TNKS1BP1: variants seen among roughly 807,000 people sequenced by gnomAD.
TNKS1BP1 encodes the protein CCR4-NOT transcription complex subunit 12.
Under a neutral mutation model 141.1 loss-of-function variants are expected in TNKS1BP1, and 48 were observed. The ratio of observed to expected loss-of-function variants is 0.34; its 90% CI spans 0.27 to 0.43. TNKS1BP1 has a LOEUF of 0.43. TNKS1BP1 is among the 20% of genes least tolerant of loss of function. TNKS1BP1 has a pLI of 1.00. For missense variants in TNKS1BP1, 2,149 were observed against 2,226.0 expected (o/e 0.97, Z 0.70); for synonymous variants, 875 against 898.2 (o/e 0.97, Z 0.46).
rs760785776 is a variant in TNKS1BP1 at position 57,308,595 on chromosome 11, C to T, written c.4116G>A (p.Gln1372=). ...TGTGCCTCAGGCCGGGCTCTGGGCA[C>T]TGGCTCACCCCGCCCACCCCATGCT... ...AREHGVGGVS[Q]CPEPGLRHNG... The change falls in exon 6 of 12, where the codon CAG becomes CAA. Residue 1372 remains glutamine (Q), a synonymous_variant. Coordinates refer to ENST00000358252, the MANE Select transcript of TNKS1BP1 (RefSeq NM_033396.3). The T allele has an allele frequency of 6.2e-7, 1 of 1,614,056 alleles. No individual in the cohort carries two copies. The highest frequency in any genetic ancestry group is 2.2e-5 in the East Asian group (1 of 44,870).
At chr11:57,301,241 C>T (rs1219766439) in intron 9 of TNKS1BP1, among the ~76,000 whole-genome samples, 200 bp from the exon 10 acceptor site, 1 of 152,098 alleles carries the variant, frequency 6.6e-6, no homozygotes, top group African/African-American at 2.4e-5. Context: ...ACCTTTCTGT[C>T]CTCAAAAACA....
chr11:57,322,155 C>T (rs1855898814), intron 1 of TNKS1BP1: 2 of 1,089,614 alleles, frequency 1.8e-6, no homozygotes, highest in Non-Finnish European at 1.2e-6. Flanking sequence ...CAACTCTTAT[C>T]TCCTAACCCC....
At chr11:57,322,147 ACT>A (rs1485449332) in intron 1 of TNKS1BP1, 197 bp from the exon 2 acceptor site, 1 of 1,065,220 alleles carries the variant, frequency 9.4e-7, no homozygotes, top group African/African-American at 1.6e-5. Flanking sequence ...ATCCTCCCCA[ACT>A]CTTATCTCCT....
chr11:57,320,020 C>T, intron 3 of TNKS1BP1, 59 bp downstream of exon 3: 1 of 1,213,898 alleles, frequency 8.2e-7, no homozygotes, highest in Non-Finnish European at 1.2e-6. Context: ...AGCCCCCACC[C>T]AATCCCACCC....
At chr11:57,301,778 G>C (rs1855527848) in intron 9 of TNKS1BP1, 29 bp downstream of exon 9, 1 of 1,596,348 alleles carries the variant, frequency 6.3e-7, no homozygotes, top group Non-Finnish European at 8.6e-7. Flanking sequence ...CAGATGGCTG[G>C]ACATGTTTGC....
chr11:57,303,647 C>T (rs977082007), intron 6 of TNKS1BP1, among the ~76,000 whole-genome samples: 5 of 152,216 alleles, frequency 3.3e-5, no homozygotes, highest in African/African-American at 1.2e-4. Context: ...TGACCCAGAG[C>T]CTGGCTACGC....
chr11:57,321,328 A>G (rs1173744885), intron 2 of TNKS1BP1, among the ~76,000 whole-genome samples: 2 of 152,176 alleles, frequency 1.3e-5, no homozygotes, highest in African/African-American at 4.8e-5. Context: ...GAAAAAAAAA[A>G]ACAGGACCAG....
chr11:57,311,328 A>C, intron 5 of TNKS1BP1: 5 of 985,706 alleles, frequency 5.1e-6, no homozygotes, highest in Non-Finnish European at 6.0e-6. Context: ...GCTCCAGGAT[A>C]GACATGCTGG....
Position 57,309,266 on chromosome 11 carries a change from C to T in TNKS1BP1, c.3445G>A (p.Val1149Met). Reference sequence around the variant, plus strand: ...CCAGCTGTGGTCTTCCCAGGAGGCACAAAGTGACCACCTTCCATCTTGCTA... The same window carrying T: ...CCAGCTGTGGTCTTCCCAGGAGGCATAAAGTGACCACCTTCCATCTTGCTA... ...PSSKMEGGHFVPPGKTTAGSV... is the reference protein window; with the variant it reads ...PSSKMEGGHFMPPGKTTAGSV... Residue 1149 changes from valine to methionine, a missense_variant, in exon 6 of 12, where the codon GTG (valine) becomes ATG (methionine). Coordinates refer to ENST00000358252, the MANE Select transcript of TNKS1BP1 (RefSeq NM_033396.3). The surrounding 1 kb of genome is among the most constrained non-coding windows in gnomAD (Gnocchi z 4.3). 6.2e-7 allele frequency: 1 copy of T among 1,614,198 alleles called. No individual in the cohort carries two copies. The highest frequency in any genetic ancestry group is 8.5e-7 in the Non-Finnish European group (1 of 1,180,034).
At chr11:57,323,130 G>C (rs868441209) in intron 1 of TNKS1BP1, among the ~76,000 whole-genome samples, 4 of 152,156 alleles carry the variant, frequency 2.6e-5, no homozygotes, top group Admixed American at 1.3e-4. Context: ...CATAATAAGT[G>C]TTCAACAAAT....
At position 57,312,824 on chromosome 11, in the gene TNKS1BP1, C is replaced by T. The variant is rs145463965; in HGVS notation, c.1864G>A (p.Glu622Lys). The T allele has an allele frequency of 1.1e-4, 178 of 1,611,954 alleles. No homozygotes were observed. The African/African-American group carries it at 2.3e-3, about 20-fold the overall frequency. ...GGCTGGTCAGGGGCTGCTGGCTGCTCCTGCCCCAGGACTGGCTCCAGGATG... is the reference window on the plus strand; with the variant it reads ...GGCTGGTCAGGGGCTGCTGGCTGCTTCTGCCCCAGGACTGGCTCCAGGATG... ...LPILEPVLGQ[E>K]QPAAPDQPCV... is the part of the protein sequence containing the mutation. Residue 622 changes from glutamate to lysine, a missense_variant, in exon 5 of 12, where the codon GAG (glutamate) becomes AAG (lysine). Coordinates refer to ENST00000358252, the MANE Select transcript of TNKS1BP1 (RefSeq NM_033396.3).
In TNKS1BP1 at chr11:57,309,617, T is replaced by C. The variant is rs1433849536; in HGVS notation, c.3094A>G (p.Thr1032Ala). 6.2e-6 allele frequency: 10 copies of C among 1,614,030 alleles called. No homozygotes were observed. The South Asian group carries it at 1.1e-4, about 18-fold the overall frequency. Residue 1032 changes from threonine (T) to alanine (A), a missense_variant, in exon 6 of 12, where the codon ACT (threonine) becomes GCT (alanine). Thr to Ala is a moderately conservative substitution (Grantham distance 58, BLOSUM62 0). Coordinates refer to ENST00000358252, the MANE Select transcript of TNKS1BP1 (RefSeq NM_033396.3). This position sits in a 1 kb window ranked among gnomAD's most constrained non-coding sequence, Gnocchi z 4.3. ...AGTGCCCCATCCGGCACGTGGGCAG[T>C]GCTAGGACTGAACAAGCCCCCGGAT... ...RGSGGLFSPS[T>A]AHVPDGALGQ...
intron 4 of TNKS1BP1, 145 bp downstream of exon 4, chr11:57,317,673 T>A: frequency 2.3e-6 from 2 of 877,676 alleles, no homozygotes; most frequent in Non-Finnish European, 3.5e-6. Context: ...AGTCGAAAAA[T>A]CCCAGGGCCA....
intron 2 of TNKS1BP1, among the ~76,000 whole-genome samples, chr11:57,321,160 T>G (rs961699392): frequency 7.9e-5 from 12 of 152,146 alleles, no homozygotes; most frequent in African/African-American, 2.9e-4. Flanking sequence ...ATAGTAAACT[T>G]TCAATCTCAG....
chr11:57,302,579 C>G lies in TNKS1BP1; in HGVS notation c.4563G>C (p.Val1521=). 1.2e-6 allele frequency: 2 copies of G among 1,613,090 alleles called. No homozygotes were observed. Among genetic ancestry groups the G allele is most frequent in the Middle Eastern group, 1.7e-4 (1 of 5,934 alleles). Residue 1521 remains valine, a synonymous_variant, in exon 7 of 12, where the codon GTG becomes GTC. Coordinates refer to ENST00000358252, the MANE Select transcript of TNKS1BP1 (RefSeq NM_033396.3). This position sits in a 1 kb window ranked among gnomAD's most constrained non-coding sequence, Gnocchi z 5.5. ...PDGEASQTED[V]DGTWGSSAAR... is the part of the protein sequence containing the mutation. ...CTGCTGAAGAGCCCCAGGTGCCATC[C>G]ACGTCTTCTGTCTGGCTGGCCTCAC...
rs1211368530 is a variant in TNKS1BP1 at position 57,309,753 on chromosome 11, G to A, written c.2958C>T (p.Phe986=). The change falls in exon 6 of 12, where the codon TTC becomes TTT. Residue 986 remains phenylalanine (F), a synonymous_variant. Transcript: ENST00000358252. This position sits in a 1 kb window ranked among gnomAD's most constrained non-coding sequence, Gnocchi z 4.3. The part of the protein sequence containing the change: ...SFGTRPLSSG[F]SPEEAQQQDE... ...CCTGTTGCTGGGCTTCCTCGGGGCT[G>A]AACCCAGAGCTCAGGGGTCTCGTTC... The A allele has an allele frequency of 4.3e-6, 7 of 1,614,210 alleles. No individual in the cohort carries two copies. Among genetic ancestry groups the A allele is most frequent in the Non-Finnish European group, 5.9e-6 (7 of 1,180,044 alleles).
chr11:57,309,238 G>A lies in TNKS1BP1; in HGVS notation c.3473C>T (p.Ser1158Leu), dbSNP rs150046410. The change falls in exon 6 of 12, where the codon TCG becomes TTG. Residue 1158 changes from serine to leucine, a missense_variant. Transcript: ENST00000358252. This position sits in a 1 kb window ranked among gnomAD's most constrained non-coding sequence, Gnocchi z 4.3. ...FVPPGKTTAG[S>L]VDWTDQLGLR... ...ACCCAGCTGGTCAGTCCAGTCCACCGAGCCAGCTGTGGTCTTCCCAGGAGG... is the reference window on the plus strand; with the variant it reads ...ACCCAGCTGGTCAGTCCAGTCCACCAAGCCAGCTGTGGTCTTCCCAGGAGG... 1.1e-5 allele frequency: 17 copies of A among 1,614,022 alleles called. No individual in the cohort carries two copies. Among genetic ancestry groups the A allele is most frequent in the South Asian group, 5.5e-5 (5 of 91,080 alleles).
chr11:57,316,083 A>G (rs1303722238), intron 4 of TNKS1BP1, among the ~76,000 whole-genome samples: 1 of 151,894 alleles, frequency 6.6e-6, no homozygotes, highest in Non-Finnish European at 1.5e-5. Context: ...TCTTGAAACC[A>G]CTCCAAACAG....
Position 57,308,866 on chromosome 11 carries a change from GT to G in TNKS1BP1, c.3844del (p.Thr1282HisfsTer6). 1 of 1,614,026 alleles carries G rather than the reference GT, an allele frequency of 6.2e-7. No individual in the cohort carries two copies. The highest frequency in any genetic ancestry group is 1.1e-5 in the South Asian group (1 of 91,078). On this transcript the variant is annotated frameshift_variant, in exon 6 of 12. Coordinates refer to ENST00000358252, the MANE Select transcript of TNKS1BP1 (RefSeq NM_033396.3). LOFTEE classifies it high-confidence loss of function. ...RERGVGQADW[T>X]PDLGLRNMAP... ...CATGTTTCTCAGCCCAAGGTCAGGT[GT>G]CCAGTCTGCCTGTCCAACTCCACGC...
Sources: gnomAD v4.1 joint callset for allele counts (sites outside exome capture counted in the v4.1 genomes callset) on GRCh38, gnomAD v4.1.1 for gene constraint, Gnocchi (gnomAD v3.1) non-coding constraint, MANE v1.5 for transcripts, NCBI Gene and HGNC (gene_info 2026-07-23, HGNC 2026-07-21) for gene names.